Variants in RBMS1 observed in about 807,000 individuals in gnomAD.
The protein encoded by RBMS1 is RNA-binding motif, single-stranded-interacting protein 1.
A neutral mutation model predicts 62.3 loss-of-function variants in RBMS1; 17 were observed. The observed-to-expected ratio is 0.27, with a 90% confidence interval of 0.19 to 0.41. The LOEUF (loss-of-function observed/expected upper bound fraction) is 0.41. Ranked by LOEUF, RBMS1 falls within the 10% of genes least tolerant of loss-of-function variation. The probability of loss-of-function intolerance (pLI) is 1.00; values close to 1 mark genes in which losing one functional copy is unlikely to be tolerated. For synonymous variants in RBMS1, 172 were observed against 170.0 expected (o/e 1.01, Z -0.09); for missense variants, 334 against 504.5 (o/e 0.66, Z 3.24).
At chr2:160,276,177 A>G (rs761156062) in intron 12 of RBMS1, among the ~76,000 whole-genome samples, 1 of 152,188 alleles carries the variant, frequency 6.6e-6, no homozygotes, top group African/African-American at 2.4e-5. Flanking sequence ...TCTCATCTCA[A>G]TTCAGGTTGA....
At chr2:160,324,907 T>TATATATACACACAC (rs1321182985) in intron 2 of RBMS1, among the ~76,000 whole-genome samples, 15 of 106,802 alleles carry the variant, frequency 1.4e-4, no homozygotes, top group African/African-American at 6.2e-4. Flanking sequence ...TATATATATA[T>TATATATACACACAC]ACACACACAC....
intron 1 of RBMS1, among the ~76,000 whole-genome samples, chr2:160,382,038 G>A (rs1297647437): frequency 1.3e-5 from 2 of 152,188 alleles, no homozygotes; most frequent in Non-Finnish European, 1.5e-5. Flanking sequence ...CAGGATAAGG[G>A]ACCAGGCCCT....
intron 6 of RBMS1, among the ~76,000 whole-genome samples, chr2:160,298,986 G>C (rs972090001): frequency 1.7e-4 from 26 of 151,622 alleles, no homozygotes; most frequent in African/African-American, 6.1e-4. Flanking sequence ...TGGGTGTCTG[G>C]GTAGAAGGAA....
chr2:160,304,368 A>C lies in RBMS1; in HGVS notation c.403-881T>G, dbSNP rs187559025. Among the ~76,000 whole-genome samples the C allele has an allele frequency of 4.8e-3, 719 of 150,552 alleles. 15 individuals are homozygous for C. Among genetic ancestry groups the C allele is most frequent in the Non-Finnish European group, 3.5e-3 (235 of 67,454 alleles). ...TGTGTTTTATCTTTAAAAAAAAGTCATGTAAATTTTGCAATCTACTTCCTA... is the reference window on the plus strand; with the variant it reads ...TGTGTTTTATCTTTAAAAAAAAGTCCTGTAAATTTTGCAATCTACTTCCTA... On this transcript the variant is annotated intron_variant, in intron 4 of 13. Transcript: ENST00000348849.
At chr2:160,391,614 C>G (rs749125469) in intron 1 of RBMS1, among the ~76,000 whole-genome samples, 1 of 152,274 alleles carries the variant, frequency 6.6e-6, no homozygotes, top group East Asian at 1.9e-4. Flanking sequence ...GATGCAATTA[C>G]TATTTTACCA....
At chr2:160,290,757 C>G (rs1357467256) in intron 6 of RBMS1, among the ~76,000 whole-genome samples, 1 of 152,160 alleles carries the variant, frequency 6.6e-6, no homozygotes, top group East Asian at 1.9e-4. Flanking sequence ...AATGCAAACA[C>G]TGATCTAATA....
intron 6 of RBMS1, among the ~76,000 whole-genome samples, chr2:160,295,580 T>C (rs1559336489): frequency 6.6e-6 from 1 of 152,248 alleles, no homozygotes; most frequent in Non-Finnish European, 1.5e-5. Flanking sequence ...AATTACTCTT[T>C]ACTAGCTGTG....
chr2:160,440,406 A>G (rs1452295311), intron 1 of RBMS1, among the ~76,000 whole-genome samples: 1 of 152,120 alleles, frequency 6.6e-6, no homozygotes, highest in Non-Finnish European at 1.5e-5. Flanking sequence ...CTCCACCTTC[A>G]GCATACACTT....
intron 1 of RBMS1, among the ~76,000 whole-genome samples, chr2:160,451,519 G>A (rs1369807620): frequency 3.3e-5 from 5 of 152,110 alleles, no homozygotes; most frequent in African/African-American, 1.2e-4. Flanking sequence ...AATAACCTTA[G>A]TGTGTTATTA....
chr2:160,477,737 T>A (rs1685201895), intron 1 of RBMS1, among the ~76,000 whole-genome samples: 1 of 152,188 alleles, frequency 6.6e-6, no homozygotes, highest in South Asian at 2.1e-4. Flanking sequence ...GGATAATAAT[T>A]CCTCATCTGC....
At chr2:160,390,646 T>C (rs546411306) in intron 1 of RBMS1, among the ~76,000 whole-genome samples, 1 of 143,028 alleles carries the variant, frequency 7.0e-6, no homozygotes, top group Admixed American at 7.5e-5. Flanking sequence ...CAGTGAGCCA[T>C]GTGCATGCCA....
chr2:160,357,634 T>C (rs946714700), intron 2 of RBMS1, among the ~76,000 whole-genome samples: 1 of 152,162 alleles, frequency 6.6e-6, no homozygotes, highest in African/African-American at 2.4e-5. Context: ...CACATTTGAA[T>C]TGTGGATACT....
intron 3 of RBMS1, among the ~76,000 whole-genome samples, chr2:160,313,567 T>C (rs1239458421): frequency 1.3e-5 from 2 of 151,164 alleles, no homozygotes; most frequent in African/African-American, 2.4e-5. Context: ...AAAAAGAAAT[T>C]TAAAAAAAAA....
At chr2:160,415,734 A>G (rs559608903) in intron 1 of RBMS1, among the ~76,000 whole-genome samples, 1 of 152,326 alleles carries the variant, frequency 6.6e-6, no homozygotes, top group South Asian at 2.1e-4. Context: ...TAAGATGGAT[A>G]GCACAAGTAA....
chr2:160,332,906 TTA>T (rs1182796758), intron 2 of RBMS1, among the ~76,000 whole-genome samples: 5 of 150,458 alleles, frequency 3.3e-5, no homozygotes, highest in African/African-American at 9.7e-5. Context: ...AAAACATACT[TTA>T]TATGTGTATA....
At chr2:160,405,693 A>G (rs536478055) in intron 1 of RBMS1, among the ~76,000 whole-genome samples, 2 of 152,154 alleles carry the variant, frequency 1.3e-5, no homozygotes, top group South Asian at 4.1e-4. Flanking sequence ...GAATCTAAGG[A>G]GAGCCCTGTG....
At chr2:160,426,601 T>G (rs1682637614) in intron 1 of RBMS1, among the ~76,000 whole-genome samples, 1 of 152,234 alleles carries the variant, frequency 6.6e-6, no homozygotes. Context: ...ATATAGATGT[T>G]GTTAAAGTAG....
At chr2:160,372,087 G>T (rs1259911173) in intron 1 of RBMS1, among the ~76,000 whole-genome samples, 2 of 152,118 alleles carry the variant, frequency 1.3e-5, no homozygotes, top group African/African-American at 2.4e-5. Context: ...ACAAAAACTT[G>T]TCATTTAAAA....
At chr2:160,446,121 G>T (rs1291193591) in intron 1 of RBMS1, among the ~76,000 whole-genome samples, 2 of 152,066 alleles carry the variant, frequency 1.3e-5, no homozygotes, top group African/African-American at 4.8e-5. Context: ...CCCTCACATT[G>T]AAATCAGAGT....
Sources: allele counts gnomAD v4.1 joint callset (sites outside exome capture counted in the v4.1 genomes callset), GRCh38; gene constraint gnomAD v4.1.1; transcripts MANE v1.5; gene names NCBI Gene and HGNC (gene_info 2026-07-23, HGNC 2026-07-21).